RBFOX1: variants seen among roughly 807,000 people sequenced by gnomAD.
RBFOX1 encodes RNA binding protein fox-1 homolog 1.
A neutral mutation model predicts 57.7 loss-of-function variants in RBFOX1; 8 were observed. The ratio of observed to expected loss-of-function variants is 0.14; its 90% CI spans 0.08 to 0.25. The LOEUF is 0.25. Among genes scored for constraint, RBFOX1 ranks in the 10% least tolerant of loss-of-function variants. RBFOX1 has a pLI of 1.00. For missense variants in RBFOX1, 611 were observed against 548.5 expected, an observed-to-expected ratio of 1.11 and a Z score of -1.14; for synonymous variants, 326 against 222.4, an observed-to-expected ratio of 1.47 and a Z score of -4.15.
At chr16:6,273,405 C>G (rs949857261) in intron 1 of RBFOX1, among the ~76,000 whole-genome samples, 1 of 117,966 alleles carries the variant, frequency 8.5e-6, no homozygotes, top group African/African-American at 3.3e-5. Flanking sequence ...AGTGCAATGA[C>G]AAAATCTAGA....
At chr16:7,241,345 C>A (rs1008290817) in intron 4 of RBFOX1, among the ~76,000 whole-genome samples, 5 of 152,070 alleles carry the variant, frequency 3.3e-5, no homozygotes, top group Non-Finnish European at 5.9e-5. Context: ...CCTCCTGGCC[C>A]GTTGGACTAT....
intron 4 of RBFOX1, among the ~76,000 whole-genome samples, chr16:7,249,757 G>C (rs1187300798): frequency 6.6e-6 from 1 of 152,004 alleles, no homozygotes; most frequent in Non-Finnish European, 1.5e-5. Flanking sequence ...ATAACAAACC[G>C]ACAGTGATGA....
intron 3 of RBFOX1, among the ~76,000 whole-genome samples, chr16:7,001,527 A>G (rs889733499): frequency 6.6e-6 from 1 of 151,766 alleles, no homozygotes; most frequent in Non-Finnish European, 1.5e-5. Context: ...CATGATCTCA[A>G]CTCGTTGCAA....
chr16:5,497,591 A>C (rs140305414), intron 2 of RBFOX1, among the ~76,000 whole-genome samples: 11 of 147,262 alleles, frequency 7.5e-5, no homozygotes, highest in Non-Finnish European at 1.5e-4. Flanking sequence ...AGCTTGGCCA[A>C]CGCGGTGAAA....
chr16:6,059,724 G>A (rs141068195), intron 1 of RBFOX1, among the ~76,000 whole-genome samples: 9 of 152,136 alleles, frequency 5.9e-5, no homozygotes, highest in Admixed American at 3.3e-4. Flanking sequence ...AGCTGAAACA[G>A]GGCCTCTACC....
intron 4 of RBFOX1, among the ~76,000 whole-genome samples, chr16:5,989,880 A>ACACACACACCCACC (rs33912010): frequency 7.9e-6 from 1 of 127,210 alleles, no homozygotes. Context: ...ACACACACAC[A>ACACACACACCCACC]CCACCCCTGT....
At chr16:7,298,560 G>A (rs1011190592) in intron 4 of RBFOX1, among the ~76,000 whole-genome samples, 18 of 152,092 alleles carry the variant, frequency 1.2e-4, no homozygotes, top group African/African-American at 4.1e-4. Flanking sequence ...CCAAAGTGCC[G>A]GGATTACAGG....
chr16:5,740,636 T>A (rs1310527342), intron 3 of RBFOX1, among the ~76,000 whole-genome samples: 1 of 152,158 alleles, frequency 6.6e-6, no homozygotes, highest in Non-Finnish European at 1.5e-5. Flanking sequence ...ATCCAGGAGC[T>A]TAAACAGTAT....
chr16:7,429,646 G>C (rs9924024), intron 4 of RBFOX1, among the ~76,000 whole-genome samples: 5,210 of 152,226 alleles, frequency 0.034, 314 homozygotes, highest in African/African-American at 0.12. Flanking sequence ...GGGAGGAACT[G>C]ATAAAAACTG....
chr16:7,507,727 C>T (rs1015185492), intron 4 of RBFOX1, among the ~76,000 whole-genome samples: 2 of 151,836 alleles, frequency 1.3e-5, no homozygotes, highest in East Asian at 2.0e-4. Flanking sequence ...CCACGCCTGG[C>T]TAATTGTTGG....
chr16:6,985,453 G>A (rs561092402), intron 3 of RBFOX1, among the ~76,000 whole-genome samples: 1 of 152,262 alleles, frequency 6.6e-6, no homozygotes, highest in South Asian at 2.1e-4. Context: ...TCTCAGTCTA[G>A]CCTGGGCAAA....
chr16:5,528,639 C>T (rs1379371838), intron 2 of RBFOX1, among the ~76,000 whole-genome samples: 1 of 146,096 alleles, frequency 6.8e-6, no homozygotes, highest in Non-Finnish European at 1.5e-5. Flanking sequence ...TCCTTCCCTT[C>T]TCCGCTTCCC....
rs552040459 is a variant in RBFOX1 at position 5,241,748 on chromosome 16, T to C, written c.219+1643T>C. On this transcript the variant is annotated intron_variant, in intron 1 of 2. Transcript: ENST00000585867. ...ATGGTGGATAAATGGGACTTAGGACTGAAACTTACGCCTTGGTGTGTTTTG... is the reference window on the plus strand; with the variant it reads ...ATGGTGGATAAATGGGACTTAGGACCGAAACTTACGCCTTGGTGTGTTTTG... Among the ~76,000 whole-genome samples, 20 of 152,326 alleles carry C rather than the reference T, an allele frequency of 1.3e-4. 1 individual carries two copies. Among genetic ancestry groups the C allele is most frequent in the African/African-American group, 4.6e-4 (19 of 41,576 alleles).
intron 4 of RBFOX1, among the ~76,000 whole-genome samples, chr16:5,895,660 A>G (rs2058146331): frequency 6.6e-6 from 1 of 152,206 alleles, no homozygotes; most frequent in African/African-American, 2.4e-5. Flanking sequence ...ACTGTGGGTA[A>G]GTCAATTTAA....
chr16:5,297,336 T>A (rs1045191468), intron 1 of RBFOX1, among the ~76,000 whole-genome samples: 1 of 152,226 alleles, frequency 6.6e-6, no homozygotes. Context: ...CTATTTTCCA[T>A]AATGGCTGTA....
chr16:5,624,992 G>A (rs1275788227), intron 3 of RBFOX1, among the ~76,000 whole-genome samples: 4 of 152,248 alleles, frequency 2.6e-5, no homozygotes, highest in African/African-American at 7.2e-5. Context: ...GGTGACTCTC[G>A]GGCCAGAGAG....
chr16:7,677,308 C>T (rs958162280), intron 14 of RBFOX1, among the ~76,000 whole-genome samples: 2 of 152,130 alleles, frequency 1.3e-5, no homozygotes, highest in Admixed American at 1.3e-4. Context: ...TCATTCCCTC[C>T]ATTGCATTAT....
chr16:6,098,471 G>A (rs558227028), intron 1 of RBFOX1, among the ~76,000 whole-genome samples: 3 of 152,270 alleles, frequency 2.0e-5, no homozygotes, highest in South Asian at 2.1e-4. Flanking sequence ...GGAGGCCCAG[G>A]TTCAAGGTTA....
At chr16:7,632,575 C>G (rs1408433178) in intron 11 of RBFOX1, among the ~76,000 whole-genome samples, 1 of 152,214 alleles carries the variant, frequency 6.6e-6, no homozygotes, top group African/African-American at 2.4e-5. Flanking sequence ...CTTTCTGAGT[C>G]CATTTGACTA....
Sources: allele counts gnomAD v4.1 joint callset (sites outside exome capture counted in the v4.1 genomes callset), GRCh38; gene constraint gnomAD v4.1.1; transcripts MANE v1.5; gene names NCBI Gene and HGNC (gene_info 2026-07-23, HGNC 2026-07-21).